DHX29: variants seen among roughly 807,000 people sequenced by gnomAD.
The protein encoded by DHX29 is ATP-dependent RNA helicase DHX29.
A neutral mutation model predicts 167.9 loss-of-function variants in DHX29; 79 were observed. That is an observed-to-expected ratio of 0.47 (90% CI 0.39 to 0.57). DHX29 has a LOEUF of 0.57. Ranked by LOEUF, DHX29 falls within the 20% of genes least tolerant of loss-of-function variation. DHX29 has a pLI of 0.00. For synonymous variants in DHX29, 530 were observed against 546.0 expected (o/e 0.97, Z 0.41); for missense variants, 1,347 against 1,593.4 (o/e 0.85, Z 2.63).
intron 12 of DHX29, among the ~76,000 whole-genome samples, chr5:55,280,326 T>G (rs1747338003): frequency 6.6e-6 from 1 of 152,222 alleles, no homozygotes; most frequent in South Asian, 2.1e-4. Flanking sequence ...CATCCTGATC[T>G]ATATTTACCA....
chr5:55,270,209 G>A (rs1478425202), intron 20 of DHX29, among the ~76,000 whole-genome samples: 3 of 152,090 alleles, frequency 2.0e-5, no homozygotes, highest in Non-Finnish European at 4.4e-5. Flanking sequence ...TTATGAGGCT[G>A]TATTTTAATC....
chr5:55,264,368 T>C (rs765276241), intron 23 of DHX29, among the ~76,000 whole-genome samples: 7 of 152,270 alleles, frequency 4.6e-5, no homozygotes, highest in Middle Eastern at 3.4e-3. Context: ...ACTGATAAAG[T>C]TGATCACAAC....
At chr5:55,304,381 A>C (rs941577433) in intron 1 of DHX29, among the ~76,000 whole-genome samples, 39 of 142,640 alleles carry the variant, frequency 2.7e-4, no homozygotes, top group Middle Eastern at 3.9e-3. Flanking sequence ...GCACAATCTC[A>C]GCTCACTGCA....
chr5:55,279,132 T>C (rs1478267912), intron 12 of DHX29, among the ~76,000 whole-genome samples: 2 of 152,238 alleles, frequency 1.3e-5, no homozygotes, highest in African/African-American at 4.8e-5. Context: ...GAAATAATCG[T>C]GGCCTCTCCA....
At position 55,283,357 on chromosome 5, in the gene DHX29, T is replaced by A; in HGVS notation, c.1811A>T (p.Gln604Leu). 6.2e-7 allele frequency: 1 copy of A among 1,614,206 alleles called. No individual in the cohort carries two copies. Among genetic ancestry groups the A allele is most frequent in the Non-Finnish European group, 8.5e-7 (1 of 1,180,016 alleles). ...ATCTTCCAATAGAAAATGTGGTACC[T>A]GAGTACTTTTACCACTCCCTGTTTC... Reference protein sequence around the residue: ...AGETGSGKSTQVPHFLLEDLL... With the variant: ...AGETGSGKSTLVPHFLLEDLL... Residue 604 changes from glutamine (Q) to leucine (L), a missense_variant, in exon 11 of 27, where the codon CAG (glutamine) becomes CTG (leucine). This residue lies in a region of DHX29 where 882 missense variants were observed against 1,082.4 expected (regional missense o/e 0.81). Transcript: ENST00000251636.
At chr5:55,302,377 A>C (rs764427914) in intron 1 of DHX29, among the ~76,000 whole-genome samples, 3 of 152,174 alleles carry the variant, frequency 2.0e-5, no homozygotes, top group Non-Finnish European at 4.4e-5. Flanking sequence ...TTCAAAGTTC[A>C]TATGCTACTG....
rs1579739787 is a variant in DHX29 at position 55,256,227 on chromosome 5, A to G, written c.*261T>C. The stretch of plus-strand genomic sequence containing the variant: ...AGACATAGGCCTTGCCCTTATTAAC[A>G]CAACGATGAGCAAAACATGCATAAT... On this transcript the variant is annotated 3_prime_UTR_variant, in exon 27 of 27. Transcript: ENST00000251636. The G allele has an allele frequency of 7.1e-6, 2 of 281,110 alleles. No individual in the cohort carries two copies. Among genetic ancestry groups the G allele is most frequent in the East Asian group, 1.8e-4 (2 of 11,240 alleles). 17.4% of individuals were successfully genotyped at this position (281,110 alleles called of 1,614,324 possible).
chr5:55,268,270 A>C (rs372060359), intron 21 of DHX29, among the ~76,000 whole-genome samples: 1 of 152,338 alleles, frequency 6.6e-6, no homozygotes, highest in African/African-American at 2.4e-5. Context: ...TTTGGACTAC[A>C]TAACAATCCA....
intron 10 of DHX29, among the ~76,000 whole-genome samples, chr5:55,284,222 T>G (rs926286125): frequency 1.3e-5 from 2 of 152,202 alleles, no homozygotes; most frequent in African/African-American, 2.4e-5. Flanking sequence ...AGGTGCTTAT[T>G]CTCGGAATAT....
intron 6 of DHX29, among the ~76,000 whole-genome samples, chr5:55,293,620 T>A (rs1310514228): frequency 6.6e-6 from 1 of 152,188 alleles, no homozygotes; most frequent in Non-Finnish European, 1.5e-5. Flanking sequence ...ATTACAGTAT[T>A]TCCCATACCT....
At chr5:55,269,057 C>A (rs1391901829) in intron 21 of DHX29, among the ~76,000 whole-genome samples, 1 of 151,638 alleles carries the variant, frequency 6.6e-6, no homozygotes, top group East Asian at 1.9e-4. Flanking sequence ...TCCAACCTGG[C>A]CAACATGGTG....
intron 6 of DHX29, among the ~76,000 whole-genome samples, chr5:55,291,871 G>A (rs1195154861): frequency 2.0e-5 from 3 of 152,136 alleles, no homozygotes; most frequent in African/African-American, 7.2e-5. Context: ...TTTTAAGGCT[G>A]AATACTATTC....
At position 55,281,501 on chromosome 5, in the gene DHX29, T is replaced by G. The variant is rs768561188; in HGVS notation, c.1980A>C (p.Gly660=). 8 of 1,591,920 alleles carry G rather than the reference T, an allele frequency of 5.0e-6. No individual in the cohort carries two copies. Among genetic ancestry groups the G allele is most frequent in the African/African-American group, 1.4e-5 (1 of 73,980 alleles). ...NGPGGRNSLC[G]YQIRMESRAC... is the part of the protein sequence containing the mutation. ...CTCGAGATTCCATCCGGATCTGATA[T>G]CCACACAAGGAATTCTAAAGGGAGA... The change falls in exon 12 of 27, where the codon GGA becomes GGC. Residue 660 remains glycine (G), a synonymous_variant. Coordinates refer to ENST00000251636, the MANE Select transcript of DHX29 (RefSeq NM_019030.4).
At chr5:55,262,575 G>C in intron 24 of DHX29, 55 bp downstream of exon 24, 1 of 1,572,952 alleles carries the variant, frequency 6.4e-7, no homozygotes, top group South Asian at 1.2e-5. Flanking sequence ...AACTTGTTAT[G>C]AATGACTTGC....
intron 8 of DHX29, among the ~76,000 whole-genome samples, chr5:55,286,790 A>C (rs1747752485): frequency 6.6e-6 from 1 of 152,256 alleles, no homozygotes; most frequent in Non-Finnish European, 1.5e-5. Context: ...AGCAGCTATG[A>C]CACTGGATAG....
rs369014031 is a variant in DHX29 at position 55,307,421 on chromosome 5, G to A, written c.153C>T (p.Ala51=). The stretch of plus-strand genomic sequence containing the variant: ...CACGGGGCTCCCTGGAGCCGGCAGC[G>A]GCAGCGGCAGCGGTGGCCGGCCTGG... ...PVSRPATAAA[A]AAGSREPRVK... The change falls in exon 1 of 27, where the codon GCC becomes GCT. Residue 51 remains alanine (A), a synonymous_variant. Transcript: ENST00000251636. 2.7e-5 allele frequency: 43 copies of A among 1,612,364 alleles called. No individual in the cohort carries two copies. The highest frequency in any genetic ancestry group is 1.3e-4 in the Admixed American group (8 of 59,982).
chr5:55,285,574 G>A (rs145110290), intron 9 of DHX29, 122 bp downstream of exon 9: 1 of 1,249,084 alleles, frequency 8.0e-7, no homozygotes, highest in African/African-American at 1.5e-5. Context: ...CAATAAACCT[G>A]AGATGTAGAA....
Position 55,283,823 on chromosome 5 carries a change from A to T in DHX29, c.1357-12T>A. 2 of 1,558,428 alleles carry T rather than the reference A, an allele frequency of 1.3e-6. No individual in the cohort carries two copies. The highest frequency in any genetic ancestry group is 2.8e-5 in the African/African-American group (2 of 72,618). Reference sequence around the variant, plus strand: ...AACTGATGAACTGACTAAAGGAAAAACAGAGGTATGTTATTTTCACTAACT... The same window carrying T: ...AACTGATGAACTGACTAAAGGAAAATCAGAGGTATGTTATTTTCACTAACT... On this transcript the variant is annotated splice_polypyrimidine_tract_variant and intron_variant, in intron 10 of 26. Coordinates refer to ENST00000251636, the MANE Select transcript of DHX29 (RefSeq NM_019030.4).
chr5:55,270,297 GA>G, intron 20 of DHX29, 114 bp downstream of exon 20: 1 of 1,175,874 alleles, frequency 8.5e-7, no homozygotes, highest in Non-Finnish European at 1.2e-6. Flanking sequence ...ATATATTAAA[GA>G]AGAGTAAAAA....
Sources: allele counts gnomAD v4.1 joint callset (sites outside exome capture counted in the v4.1 genomes callset), GRCh38; gene constraint gnomAD v4.1.1; regional missense constraint gnomAD v4.1.1; transcripts MANE v1.5; gene names NCBI Gene and HGNC (gene_info 2026-07-23, HGNC 2026-07-21).